Variants in NGEF observed in about 807,000 individuals in gnomAD.
NGEF encodes neuronal guanine nucleotide exchange factor.
A neutral mutation model predicts 80.9 loss-of-function variants in NGEF; 31 were observed. The observed-to-expected ratio is 0.38, with a 90% CI of 0.29 to 0.52. NGEF has a LOEUF of 0.52. NGEF is among the 20% of genes least tolerant of loss of function. The pLI, the probability that NGEF is intolerant of heterozygous loss-of-function variation, is 0.84. For synonymous variants in NGEF, 371 were observed against 370.2 expected, an observed-to-expected ratio of 1.00 and a Z score of -0.03; for missense variants, 709 against 926.2, an observed-to-expected ratio of 0.77 and a Z score of 3.04.
rs1411638940 is a variant in NGEF at position 232,981,684 on chromosome 2, G to A, written c.-74-6720C>T. Among the ~76,000 whole-genome samples the A allele has an allele frequency of 2.0e-5, 3 of 152,144 alleles. No individual in the cohort carries two copies. In the South Asian group the frequency reaches 6.3e-4, roughly 32 times the overall value. Reference sequence around the variant, plus strand: ...GATCAATCAGTACTCCCCACTTCCCGAGACCCTACCTGCCAAATTATCCTT... The same window carrying A: ...GATCAATCAGTACTCCCCACTTCCCAAGACCCTACCTGCCAAATTATCCTT... On this transcript the variant is annotated intron_variant, in intron 1 of 14. Transcript: ENST00000264051.
intron 1 of NGEF, among the ~76,000 whole-genome samples, chr2:233,010,427 C>T (rs1259816611): frequency 6.6e-6 from 1 of 152,096 alleles, no homozygotes; most frequent in Non-Finnish European, 1.5e-5. Context: ...CAAACCACAC[C>T]CCCAGTTCTT....
At chr2:232,964,413 C>A (rs532581534) in intron 3 of NGEF, among the ~76,000 whole-genome samples, 1 of 152,260 alleles carries the variant, frequency 6.6e-6, no homozygotes, top group African/African-American at 2.4e-5. Flanking sequence ...ATAATTTGGG[C>A]CGGGCGCGGT....
chr2:233,012,868 C>A (rs1203590785), intron 1 of NGEF, 200 bp downstream of exon 1: 5 of 470,858 alleles, frequency 1.1e-5, no homozygotes, highest in Non-Finnish European at 2.2e-5. Flanking sequence ...AAACTGAGTG[C>A]CAGGAGGGGC....
intron 1 of NGEF, among the ~76,000 whole-genome samples, chr2:233,006,888 C>T (rs565920573): frequency 6.6e-6 from 1 of 152,144 alleles, no homozygotes; most frequent in Non-Finnish European, 1.5e-5. Flanking sequence ...CCAGGCAGCC[C>T]AGCTCCAGCA....
chr2:232,946,926 C>T (rs375638555), intron 3 of NGEF, among the ~76,000 whole-genome samples: 2 of 135,280 alleles, frequency 1.5e-5, no homozygotes, highest in Admixed American at 1.5e-4. Flanking sequence ...AGAAAACAAA[C>T]CAAAAAACAA....
intron 4 of NGEF, among the ~76,000 whole-genome samples, chr2:232,921,819 G>A (rs758020783): frequency 1.3e-5 from 2 of 152,160 alleles, no homozygotes; most frequent in Non-Finnish European, 2.9e-5. Flanking sequence ...GAAACGGGCT[G>A]CAGCAGCTCC....
At chr2:232,992,370 C>A (rs1049184009) in intron 1 of NGEF, among the ~76,000 whole-genome samples, 1 of 151,758 alleles carries the variant, frequency 6.6e-6, no homozygotes, top group East Asian at 1.9e-4. Flanking sequence ...CTAGCCTGGT[C>A]GACATGGTGA....
intron 3 of NGEF, among the ~76,000 whole-genome samples, chr2:232,930,983 GC>G (rs1693204989): frequency 6.6e-6 from 1 of 152,126 alleles, no homozygotes; most frequent in Admixed American, 6.5e-5. Context: ...TTATCCAGAA[GC>G]AAAAATTCCT....
chr2:232,956,208 T>C (rs1693826928), intron 3 of NGEF, among the ~76,000 whole-genome samples: 1 of 152,088 alleles, frequency 6.6e-6, no homozygotes, highest in South Asian at 2.1e-4. Flanking sequence ...CTCTGAGTGG[T>C]TGTCCCTGAA....
chr2:232,954,839 G>A (rs1284060993), intron 3 of NGEF, among the ~76,000 whole-genome samples: 1 of 152,014 alleles, frequency 6.6e-6, no homozygotes, highest in African/African-American at 2.4e-5. Context: ...AGAACTGAAG[G>A]ATGAATAGAA....
At chr2:232,886,901 G>A (rs972669022) in intron 9 of NGEF, among the ~76,000 whole-genome samples, 22 of 152,332 alleles carry the variant, frequency 1.4e-4, no homozygotes, top group Admixed American at 1.0e-3. Flanking sequence ...CTCACAGGTC[G>A]CGGATGCCCC....
chr2:232,916,976 G>A (rs527845113), intron 5 of NGEF, among the ~76,000 whole-genome samples: 1 of 152,324 alleles, frequency 6.6e-6, no homozygotes, highest in South Asian at 2.1e-4. Context: ...AGGCGCTCAG[G>A]GCAGAGGCCA....
At chr2:232,899,859 C>T (rs1324842603) in intron 5 of NGEF, among the ~76,000 whole-genome samples, 1 of 150,110 alleles carries the variant, frequency 6.7e-6, no homozygotes, top group Non-Finnish European at 1.5e-5. Context: ...CACACACGCT[C>T]TCACAGTCAC....
At chr2:232,954,451 C>T (rs1163440564) in intron 3 of NGEF, among the ~76,000 whole-genome samples, 4 of 152,064 alleles carry the variant, frequency 2.6e-5, no homozygotes, top group African/African-American at 7.2e-5. Flanking sequence ...TCCAGCCGGG[C>T]GCAGTGGCTC....
chr2:232,885,224 G>A, intron 10 of NGEF, 56 bp downstream of exon 10: 2 of 1,505,144 alleles, frequency 1.3e-6, no homozygotes, highest in Middle Eastern at 1.7e-4. Context: ...GTGCCTCTGG[G>A]GCGGGGCCAG....
rs539534057 is a variant in NGEF, at chr2:232,880,777, T to TGGGTCAGGTCA, written c.1942+358_1942+368dup. Among the ~76,000 whole-genome samples the TGGGTCAGGTCA allele has an allele frequency of 3.7e-3, 557 of 151,670 alleles. 3 individuals carry two copies. The highest frequency in any genetic ancestry group is 0.013 in the African/African-American group (521 of 41,020). The stretch of plus-strand genomic sequence containing the variant: ...TTACCTGAAGCTGCAAGTACAGGTC[T>TGGGTCAGGTCA]GGGTCAGGTCAGGCTTAGGATGTTC... On this transcript the variant is annotated intron_variant, in intron 14 of 14. Transcript: ENST00000264051.
rs933576475 is a variant in NGEF, at chr2:232,888,092, C to A, written c.1288G>T (p.Val430Leu). The change falls in exon 9 of 15, where the codon GTA becomes TTA. Residue 430 changes from valine (V) to leucine (L), a missense_variant. Physicochemically the swap from Val to Leu is conservative, Grantham distance 32. Around this residue, in one of 2 missense-constraint regions of NGEF, gnomAD observed 426 missense variants for 622.9 expected, o/e 0.68. Coordinates refer to ENST00000264051, the MANE Select transcript of NGEF (RefSeq NM_019850.3). ...CACTCCCGCTCAGACCTCTCTTCTA[C>A]CCTCTTCAGGATGTTCTATGCACAG... ...KLLVQNILKR[V>L]EERSERECTA... The A allele has an allele frequency of 3.1e-5, 50 of 1,607,402 alleles. No individual in the cohort carries two copies.
In NGEF at chr2:232,892,017, G is replaced by A. The variant is rs1691900667; in HGVS notation, c.1143-530C>T. 6.6e-6 allele frequency among the ~76,000 whole-genome samples: 1 copy of A among 151,904 alleles called. No individual in the cohort carries two copies. Among genetic ancestry groups the A allele is most frequent in the East Asian group, 1.9e-4 (1 of 5,192 alleles). ...GGGACAGCAGGGACGGCAGGGACAG[G>A]TGCTCAGCCTGTCACTCAGCCTCTG... On this transcript the variant is annotated intron_variant, in intron 7 of 14. Coordinates refer to ENST00000264051, the MANE Select transcript of NGEF (RefSeq NM_019850.3). The surrounding 1 kb of genome is among the most constrained non-coding windows in gnomAD (Gnocchi z 4.0).
intron 4 of NGEF, among the ~76,000 whole-genome samples, chr2:232,922,562 C>T (rs538363450): frequency 1.4e-4 from 22 of 152,344 alleles, no homozygotes; most frequent in Admixed American, 9.8e-4. Context: ...ACAGGTCCGA[C>T]GTCACCACCT....
Sources: gnomAD v4.1 joint callset for allele counts (sites outside exome capture counted in the v4.1 genomes callset) on GRCh38, gnomAD v4.1.1 for gene constraint, gnomAD v4.1.1 regional missense constraint, Gnocchi (gnomAD v3.1) non-coding constraint, MANE v1.5 for transcripts, NCBI Gene and HGNC (gene_info 2026-07-23, HGNC 2026-07-21) for gene names.